Variants in CFAP45 observed in about 807,000 individuals in gnomAD.
The protein encoded by CFAP45 is cilia and flagella associated protein 45, also known as cilia- and flagella-associated protein 45.
In CFAP45, 43 loss-of-function variants were observed where a neutral mutation model predicts 75.6. The observed-to-expected ratio is 0.57, with a 90% CI of 0.45 to 0.73. CFAP45 has a LOEUF of 0.73. Ranked by LOEUF, CFAP45 falls within the 30% of genes least tolerant of loss-of-function variation. The pLI, the probability that CFAP45 is intolerant of heterozygous loss-of-function variation, is 0.00. For missense variants in CFAP45, 689 were observed against 701.5 expected, an observed-to-expected ratio of 0.98 and a Z score of 0.20; for synonymous variants, 223 against 244.6, an observed-to-expected ratio of 0.91 and a Z score of 0.82.
rs374859094 is a variant in CFAP45, at chr1:159,873,099, A to T, written c.1422T>A (p.His474Gln). The T allele has an allele frequency of 8.7e-6, 14 of 1,613,960 alleles. No homozygotes were observed. Among genetic ancestry groups the T allele is most frequent in the Non-Finnish European group, 1.2e-5 (14 of 1,180,014 alleles). ...GCACCTGGCGCCGGAGCTCATTGGC[A>T]TGCTGTAAGCGCCCTGTGGCCTTTT... The part of the protein sequence containing the change: ...EEKKATGRLQ[H>Q]ANELRRQVRE... The change falls in exon 11 of 12, where the codon CAT (histidine) becomes CAA (glutamine). Residue 474 changes from histidine (H) to glutamine (Q), a missense_variant. Coordinates refer to ENST00000368099, the MANE Select transcript of CFAP45 (RefSeq NM_012337.3).
chr1:159,899,972 T>C (rs1458968723), intron 1 of CFAP45, 124 bp downstream of exon 1: 3 of 959,274 alleles, frequency 3.1e-6, no homozygotes, highest in African/African-American at 3.3e-5. Flanking sequence ...AGAGGTGTTC[T>C]CCTTACTCCT....
chr1:159,887,580 G>A (rs1649718661), intron 5 of CFAP45, among the ~76,000 whole-genome samples: 1 of 152,224 alleles, frequency 6.6e-6, no homozygotes, highest in South Asian at 2.1e-4. Flanking sequence ...ATTCCACAAA[G>A]TAGTTTTACC....
chr1:159,886,460 AAGATAC>A, intron 6 of CFAP45, 45 bp downstream of exon 6: 2 of 1,497,094 alleles, frequency 1.3e-6, no homozygotes, highest in Non-Finnish European at 1.9e-6. Context: ...CATGGACCTA[AAGATAC>A]ATGGAAATAG....
In CFAP45 at chr1:159,890,469, G is replaced by C; in HGVS notation, c.272+11C>G. The C allele has an allele frequency of 6.2e-7, 1 of 1,613,556 alleles. No homozygotes were observed. The highest frequency in any genetic ancestry group is 8.5e-7 in the Non-Finnish European group (1 of 1,179,614). ...GACTGGACATAGAAGGGCAGGGGACGGTGTACTCACATGAGTTCTCGGACC... is the reference window on the plus strand; with the variant it reads ...GACTGGACATAGAAGGGCAGGGGACCGTGTACTCACATGAGTTCTCGGACC... On this transcript the variant is annotated intron_variant, in intron 3 of 11. Coordinates refer to ENST00000368099, the MANE Select transcript of CFAP45 (RefSeq NM_012337.3).
At chr1:159,877,533 C>A in intron 8 of CFAP45, 71 bp from the exon 9 acceptor site, 1 of 1,039,724 alleles carries the variant, frequency 9.6e-7, no homozygotes, top group South Asian at 1.3e-5. Flanking sequence ...AAAACCCCTA[C>A]AACAGACTTT....
chr1:159,873,221 G>C, intron 10 of CFAP45, 53 bp from the exon 11 acceptor site: 1 of 1,541,098 alleles, frequency 6.5e-7, no homozygotes, highest in Non-Finnish European at 8.9e-7. Context: ...GCCCAGGCCA[G>C]GAAAGGTGGT....
intron 7 of CFAP45, among the ~76,000 whole-genome samples, chr1:159,882,669 A>G (rs1649579328): frequency 6.6e-6 from 1 of 152,194 alleles, no homozygotes; most frequent in Non-Finnish European, 1.5e-5. Flanking sequence ...AGTGCCTGTT[A>G]GAAGGACATT....
At chr1:159,877,549 A>G (rs748512500) in intron 8 of CFAP45, 87 bp from the exon 9 acceptor site, 7 of 896,438 alleles carry the variant, frequency 7.8e-6, no homozygotes, top group Non-Finnish European at 1.3e-5. Context: ...ACTTTCCAAT[A>G]TCTCCCCTAC....
At chr1:159,882,317 T>C (rs1649567283) in intron 7 of CFAP45, among the ~76,000 whole-genome samples, 1 of 152,336 alleles carries the variant, frequency 6.6e-6, no homozygotes, top group African/African-American at 2.4e-5. Flanking sequence ...CCAGACATCA[T>C]TTAATCTCAC....
chr1:159,873,583 A>C (rs888985530), intron 10 of CFAP45, among the ~76,000 whole-genome samples: 5 of 152,048 alleles, frequency 3.3e-5, no homozygotes, highest in African/African-American at 1.2e-4. Flanking sequence ...TGATTCTCCC[A>C]CCTCAGCCTC....
At chr1:159,886,722 C>T in intron 5 of CFAP45, 33 bp from the exon 6 acceptor site, 1 of 1,578,790 alleles carries the variant, frequency 6.3e-7, no homozygotes, top group South Asian at 1.1e-5. Context: ...TAGCACTAGG[C>T]CTAGGGATGT....
At chr1:159,877,507 C>A (rs1023163031) in intron 8 of CFAP45, 45 bp from the exon 9 acceptor site, 1 of 1,353,926 alleles carries the variant, frequency 7.4e-7, no homozygotes, top group South Asian at 1.2e-5. Context: ...ATTGCCCCAG[C>A]CTTGCAGAGA....
At chr1:159,888,601 T>A (rs1189755419) in intron 3 of CFAP45, 105 bp from the exon 4 acceptor site, 1 of 1,071,432 alleles carries the variant, frequency 9.3e-7, no homozygotes, top group Non-Finnish European at 1.4e-6. Context: ...GCCAGTGGAC[T>A]CCCCCAATGG....
intron 11 of CFAP45, 67 bp from the exon 12 acceptor site, chr1:159,872,630 G>A (rs1237484940): frequency 6.4e-6 from 9 of 1,407,398 alleles, no homozygotes; most frequent in African/African-American, 1.4e-5. Context: ...GAGGAAGCAG[G>A]CTCTGGGTGG....
chr1:159,897,455 C>T (rs186872909), intron 1 of CFAP45, among the ~76,000 whole-genome samples: 52 of 152,092 alleles, frequency 3.4e-4, no homozygotes, highest in African/African-American at 1.1e-3. Context: ...TGGTGGCACA[C>T]GCCTGTAGTC....
intron 6 of CFAP45, among the ~76,000 whole-genome samples, chr1:159,885,871 A>C (rs1649666915): frequency 6.6e-6 from 1 of 152,200 alleles, no homozygotes; most frequent in African/African-American, 2.4e-5. Flanking sequence ...TCCAGGAGGA[A>C]AAGGAAAGAA....
At position 159,893,187 on chromosome 1, in the gene CFAP45, T is replaced by C. The variant is rs780327689; in HGVS notation, c.122A>G (p.Asp41Gly). The change falls in exon 2 of 12, where the codon GAT becomes GGT. Residue 41 changes from aspartate to glycine, a missense_variant. Transcript: ENST00000368099. ...SSEVDESLFG[D>G]IKSPAQGQSD... ...GGACTTGTTGAGGATTACCTTGATA[T>C]CTCCAAAGAGGCTCTCATCCACCTC... 1.2e-6 allele frequency: 2 copies of C among 1,613,784 alleles called. No homozygotes were observed. Among genetic ancestry groups the C allele is most frequent in the South Asian group, 1.1e-5 (1 of 91,080 alleles).
At chr1:159,893,054 C>A (rs1649864268) in intron 2 of CFAP45, 126 bp downstream of exon 2, 6 of 1,069,198 alleles carry the variant, frequency 5.6e-6, no homozygotes, top group Non-Finnish European at 8.2e-6. Context: ...TCAGAATTCC[C>A]CTTTGTCTTC....
At chr1:159,882,812 T>A (rs964561902) in intron 7 of CFAP45, among the ~76,000 whole-genome samples, 1 of 152,176 alleles carries the variant, frequency 6.6e-6, no homozygotes, top group Non-Finnish European at 1.5e-5. Flanking sequence ...CCCACTACCT[T>A]GCATATTTGC....
Sources: gnomAD v4.1 joint callset for allele counts (sites outside exome capture counted in the v4.1 genomes callset) on GRCh38, gnomAD v4.1.1 for gene constraint, MANE v1.5 for transcripts, NCBI Gene and HGNC (gene_info 2026-07-23, HGNC 2026-07-21) for gene names.